SPPL3: variants seen among roughly 807,000 people sequenced by gnomAD.
SPPL3 encodes the protein signal peptide peptidase like 3.
Under a neutral mutation model 42.4 loss-of-function variants are expected in SPPL3, and 5 were observed. That is an observed-to-expected ratio of 0.12 (90% CI 0.06 to 0.25). The LOEUF is 0.25. Ranked by LOEUF, SPPL3 falls within the 10% of genes least tolerant of loss-of-function variation. SPPL3 has a pLI of 1.00. For missense variants in SPPL3, 235 were observed against 489.0 expected (o/e 0.48, Z 4.90); for synonymous variants, 195 against 181.8 (o/e 1.07, Z -0.58).
rs184680804 is a variant in SPPL3, at chr12:120,776,136, C to T, written c.502+6519G>A. Among the ~76,000 whole-genome samples, 16 of 152,312 alleles carry T rather than the reference C, an allele frequency of 1.1e-4. No individual in the cohort carries two copies. In the South Asian group the frequency reaches 2.1e-3, roughly 20 times the overall value. On this transcript the variant is annotated intron_variant, in intron 6 of 10. Transcript: ENST00000353487. ...AAAATTCCATCCTTGGTCACAAGGG[C>T]GTTTCAACCAGTGCAAACTGGCAGG...
rs1347385686 is a variant in SPPL3 at position 120,769,429 on chromosome 12, T to A, written c.503-370A>T. 6 of 176,076 alleles carry A rather than the reference T, an allele frequency of 3.4e-5. No homozygotes were observed. In the East Asian group the frequency reaches 7.6e-4, roughly 22 times the overall value. 10.9% of individuals were successfully genotyped at this position (176,076 alleles called of 1,614,324 possible). A position where few individuals can be genotyped will look rare whatever the true frequency, so the allele number is the denominator to read the frequency against. On this transcript the variant is annotated intron_variant, in intron 6 of 10. Coordinates refer to ENST00000353487, the MANE Select transcript of SPPL3 (RefSeq NM_139015.5). ...CTAGATAGCACCCCCTTTCATTCAC[T>A]GGAGGCATCATCCCAGCAATTCATT...
At chr12:120,900,202 T>C (rs1873931599) in intron 1 of SPPL3, among the ~76,000 whole-genome samples, 1 of 152,094 alleles carries the variant, frequency 6.6e-6, no homozygotes, top group Admixed American at 6.6e-5. Flanking sequence ...CATCTGCATA[T>C]GCCTTTATAT....
chr12:120,793,666 C>T (rs1869999394), intron 2 of SPPL3, among the ~76,000 whole-genome samples: 1 of 152,200 alleles, frequency 6.6e-6, no homozygotes, highest in Non-Finnish European at 1.5e-5. Context: ...CATGTTGACA[C>T]CCTGACCTGA....
At chr12:120,888,110 C>G (rs193022760) in intron 1 of SPPL3, among the ~76,000 whole-genome samples, 1 of 152,288 alleles carries the variant, frequency 6.6e-6, no homozygotes, top group East Asian at 1.9e-4. Flanking sequence ...GAGTCTTGCT[C>G]TGTTGCCCAG....
intron 7 of SPPL3, 192 bp from the exon 8 acceptor site, chr12:120,768,680 T>C (rs899623944): frequency 2.8e-6 from 2 of 719,838 alleles, no homozygotes; most frequent in African/African-American, 3.6e-5. Context: ...ACCCAGAGAT[T>C]ACTCCCTGAC....
chr12:120,845,978 G>A (rs1872025654), intron 1 of SPPL3, among the ~76,000 whole-genome samples: 1 of 151,888 alleles, frequency 6.6e-6, no homozygotes, highest in Non-Finnish European at 1.5e-5. Context: ...CTCACTGCAA[G>A]CCTCCGCCTC....
rs565743123 is a variant in SPPL3 at position 120,790,136 on chromosome 12, T to C, written c.190+1333A>G. On this transcript the variant is annotated intron_variant, in intron 3 of 10. Coordinates refer to ENST00000353487, the MANE Select transcript of SPPL3 (RefSeq NM_139015.5). ...GTAATAATTTAATCTAAAAATCAGATTTTGCACCAGGTTTTATGTGGTTCC... is the reference window on the plus strand; with the variant it reads ...GTAATAATTTAATCTAAAAATCAGACTTTGCACCAGGTTTTATGTGGTTCC... 4.0e-4 allele frequency among the ~76,000 whole-genome samples: 61 copies of C among 152,358 alleles called. No individual in the cohort carries two copies. The South Asian group carries it at 0.013, about 32-fold the overall frequency.
At chr12:120,854,768 G>C (rs1872397054) in intron 1 of SPPL3, among the ~76,000 whole-genome samples, 1 of 152,112 alleles carries the variant, frequency 6.6e-6, no homozygotes, top group South Asian at 2.1e-4. Context: ...TCAACAAGAA[G>C]AAGCTAACTT....
At position 120,868,123 on chromosome 12, in the gene SPPL3, G is replaced by T. The variant is rs59361106; in HGVS notation, c.23+35722C>A. ...TACAAAAAATAAATTAAGCATGGTG[G>T]TGTGTACCTATAATCCCAGCCATTC... is the stretch of plus-strand genomic sequence containing the variant. On this transcript the variant is annotated intron_variant, in intron 1 of 10. Transcript: ENST00000353487. Among the ~76,000 whole-genome samples the T allele has an allele frequency of 5.9e-3, 896 of 152,268 alleles. 11 individuals carry two copies. The highest frequency in any genetic ancestry group is 0.019 in the African/African-American group (808 of 41,554).
intron 1 of SPPL3, among the ~76,000 whole-genome samples, chr12:120,895,011 T>C (rs1225227373): frequency 1.3e-5 from 2 of 151,960 alleles, no homozygotes; most frequent in Non-Finnish European, 1.5e-5. Context: ...TTTAGAAGGG[T>C]AGAAAACCGT....
intron 1 of SPPL3, 34 bp from the exon 2 acceptor site, chr12:120,810,920 A>C: frequency 6.8e-7 from 1 of 1,479,284 alleles, no homozygotes; most frequent in Non-Finnish European, 9.5e-7. Context: ...TTTAAATCAC[A>C]TGCAGTGAGT....
chr12:120,852,336 TTATA>T (rs1240801460), intron 1 of SPPL3, among the ~76,000 whole-genome samples: 9 of 146,178 alleles, frequency 6.2e-5, no homozygotes, highest in Non-Finnish European at 1.0e-4. Context: ...ATATATTAAT[TTATA>T]TATACATATT....
At chr12:120,818,518 A>G (rs1019554377) in intron 1 of SPPL3, among the ~76,000 whole-genome samples, 1 of 152,218 alleles carries the variant, frequency 6.6e-6, no homozygotes, top group African/African-American at 2.4e-5. Context: ...TAGCTACTTT[A>G]CCAGCAAGTG....
chr12:120,819,933 G>C (rs915985934), intron 1 of SPPL3, among the ~76,000 whole-genome samples: 1 of 152,104 alleles, frequency 6.6e-6, no homozygotes, highest in Non-Finnish European at 1.5e-5. Flanking sequence ...ACCCACCATT[G>C]CTTTGCCACC....
At chr12:120,838,448 G>A (rs986202097) in intron 1 of SPPL3, among the ~76,000 whole-genome samples, 2 of 152,134 alleles carry the variant, frequency 1.3e-5, no homozygotes, top group Non-Finnish European at 2.9e-5. Flanking sequence ...GATCAATCAG[G>A]GGCCAAGAAG....
At chr12:120,811,773 A>G (rs1374519355) in intron 1 of SPPL3, among the ~76,000 whole-genome samples, 1 of 152,238 alleles carries the variant, frequency 6.6e-6, no homozygotes, top group Non-Finnish European at 1.5e-5. Context: ...TGGGATATAC[A>G]GTAATAAATA....
intron 1 of SPPL3, among the ~76,000 whole-genome samples, chr12:120,825,689 G>A (rs557159364): frequency 4.6e-5 from 7 of 152,286 alleles, no homozygotes; most frequent in African/African-American, 7.2e-5. Flanking sequence ...GAGTTTTAAC[G>A]TCACCTGAAA....
At chr12:120,795,946 A>C (rs1870081383) in intron 2 of SPPL3, among the ~76,000 whole-genome samples, 2 of 152,110 alleles carry the variant, frequency 1.3e-5, no homozygotes, top group Non-Finnish European at 2.9e-5. Context: ...TTTTGGATTA[A>C]TTTCCATTAC....
At chr12:120,794,020 A>C (rs751934656) in intron 2 of SPPL3, among the ~76,000 whole-genome samples, 38 of 152,254 alleles carry the variant, frequency 2.5e-4, no homozygotes, top group African/African-American at 7.0e-4. Context: ...TATATTTGTG[A>C]ATTTATTTCT....
Sources: allele counts gnomAD v4.1 joint callset (sites outside exome capture counted in the v4.1 genomes callset), GRCh38; gene constraint gnomAD v4.1.1; transcripts MANE v1.5; gene names NCBI Gene and HGNC (gene_info 2026-07-23, HGNC 2026-07-21).